The following MAEL variants were observed in gnomAD, a reference collection of about 807,000 sequenced individuals.
The protein encoded by MAEL is protein maelstrom homolog.
In MAEL, 46 loss-of-function variants were observed where a neutral mutation model predicts 62.0. The ratio of observed to expected loss-of-function variants is 0.74; its 90% CI spans 0.59 to 0.95. MAEL has a LOEUF of 0.95. MAEL is among the 40% of genes least tolerant of loss of function. The pLI, the probability that MAEL is intolerant of heterozygous loss-of-function variation, is 0.00. For missense variants in MAEL, 497 were observed against 526.8 expected (o/e 0.94, Z 0.55); for synonymous variants, 172 against 175.5 (o/e 0.98, Z 0.16).
intron 8 of MAEL, among the ~76,000 whole-genome samples, chr1:167,007,968 C>T (rs1055523322): frequency 6.6e-6 from 1 of 151,704 alleles, no homozygotes; most frequent in African/African-American, 2.4e-5. Context: ...AGTTCGTTTG[C>T]TTGTTTGTAT....
At chr1:166,995,859 C>G (rs1664404240) in intron 5 of MAEL, among the ~76,000 whole-genome samples, 1 of 152,042 alleles carries the variant, frequency 6.6e-6, no homozygotes, top group African/African-American at 2.4e-5. Context: ...TCTGTTAAAT[C>G]CTTCTTAAAA....
At chr1:166,980,030 TTTTA>T (rs760947754) in intron 1 of MAEL, among the ~76,000 whole-genome samples, 17 of 152,192 alleles carry the variant, frequency 1.1e-4, no homozygotes, top group Non-Finnish European at 2.1e-4. Context: ...TCTTTCTTTC[TTTTA>T]GAGACAGGGT....
In MAEL at chr1:167,005,124, G is replaced by GCAT; in HGVS notation, c.700_702dup (p.Ser234dup). On this transcript the variant is annotated inframe_insertion, in exon 7 of 12. Coordinates refer to ENST00000367872, the MANE Select transcript of MAEL (RefSeq NM_032858.3). ...CTGGTGTTTGAAGCATATGGCAAAG[G>GCAT]CATCAGGTAAGTAAAACTCTGGGTT... 1 of 1,613,652 alleles carries GCAT rather than the reference G, an allele frequency of 6.2e-7. No individual in the cohort carries two copies. Among genetic ancestry groups the GCAT allele is most frequent in the Non-Finnish European group, 8.5e-7 (1 of 1,179,748 alleles).
chr1:166,981,898 A>T (rs754569248), intron 1 of MAEL, among the ~76,000 whole-genome samples: 1 of 152,214 alleles, frequency 6.6e-6, no homozygotes, highest in East Asian at 1.9e-4. Flanking sequence ...AAGTAGAACA[A>T]GATCAGACCT....
At chr1:166,991,037 A>G (rs1224157944) in intron 2 of MAEL, among the ~76,000 whole-genome samples, 1 of 152,168 alleles carries the variant, frequency 6.6e-6, no homozygotes, top group Non-Finnish European at 1.5e-5. Context: ...TAAGTGAAAA[A>G]CAAGCAAAAT....
chr1:167,006,490 T>G (rs1664901397), intron 8 of MAEL, among the ~76,000 whole-genome samples: 1 of 151,584 alleles, frequency 6.6e-6, no homozygotes, highest in South Asian at 2.1e-4. Flanking sequence ...GTGTGTCATA[T>G]CTGGAGGTAT....
chr1:166,976,949 C>T (rs557788030), intron 1 of MAEL, among the ~76,000 whole-genome samples: 2 of 152,204 alleles, frequency 1.3e-5, no homozygotes, highest in South Asian at 2.1e-4. Flanking sequence ...AATGCAGGCC[C>T]GGGCCCCTGG....
chr1:167,006,239 C>A (rs1271889756), intron 8 of MAEL, among the ~76,000 whole-genome samples: 1 of 152,002 alleles, frequency 6.6e-6, no homozygotes. Flanking sequence ...TCTTTTACAG[C>A]CAAAAAAATT....
At chr1:167,016,835 A>G (rs1194055376) in intron 9 of MAEL, among the ~76,000 whole-genome samples, 1 of 152,220 alleles carries the variant, frequency 6.6e-6, no homozygotes, top group Non-Finnish European at 1.5e-5. Flanking sequence ...TTGCAACAAC[A>G]TAGATGGAAC....
At chr1:167,003,870 C>G (rs781521134) in intron 5 of MAEL, among the ~76,000 whole-genome samples, 1 of 151,996 alleles carries the variant, frequency 6.6e-6, no homozygotes, top group Non-Finnish European at 1.5e-5. Flanking sequence ...AGTAAAACAC[C>G]GCAGGCCTGG....
chr1:166,992,700 A>G lies in MAEL; in HGVS notation c.340A>G (p.Ile114Val), dbSNP rs1190281959. 6 of 1,589,550 alleles carry G rather than the reference A, an allele frequency of 3.8e-6. No homozygotes were observed. Among genetic ancestry groups the G allele is most frequent in the Non-Finnish European group, 5.1e-6 (6 of 1,172,844 alleles). ...TTTTTTTTTAGCTCTCCTTGGAGGC[A>G]TTTTTTATTTTTTGAACATTTTTAG... The part of the protein sequence containing the change: ...LKGDQALLGG[I>V]FYFLNIFSHG... The change falls in exon 4 of 12, where the codon ATT becomes GTT. Residue 114 changes from isoleucine (I) to valine (V), a missense_variant. Transcript: ENST00000367872.
intron 9 of MAEL, among the ~76,000 whole-genome samples, 162 bp downstream of exon 9, chr1:167,016,446 C>T (rs942144956): frequency 1.3e-5 from 2 of 152,008 alleles, no homozygotes; most frequent in African/African-American, 4.8e-5. Flanking sequence ...TATTATCTCA[C>T]CCTGGTTTAA....
At chr1:166,983,438 T>C (rs1244260370) in intron 1 of MAEL, among the ~76,000 whole-genome samples, 1 of 152,216 alleles carries the variant, frequency 6.6e-6, no homozygotes, top group Non-Finnish European at 1.5e-5. Flanking sequence ...AAATACCATC[T>C]TTATGTGGCT....
intron 8 of MAEL, among the ~76,000 whole-genome samples, chr1:167,014,005 C>T (rs1665278211): frequency 6.6e-6 from 1 of 152,130 alleles, no homozygotes; most frequent in East Asian, 1.9e-4. Context: ...GTTCACAAGT[C>T]CAGAGCCTCT....
chr1:167,017,183 TA>T (rs1173329050), intron 9 of MAEL, among the ~76,000 whole-genome samples: 14 of 152,298 alleles, frequency 9.2e-5, no homozygotes, highest in Non-Finnish European at 2.1e-4. Flanking sequence ...AATGGATGGA[TA>T]TACCACCTTC....
chr1:166,991,602 A>G, intron 3 of MAEL, 125 bp downstream of exon 3: 1 of 619,500 alleles, frequency 1.6e-6, no homozygotes, highest in Non-Finnish European at 2.9e-6. Context: ...CAAGTGTTAA[A>G]TATTGTGGTA....
intron 4 of MAEL, 113 bp from the exon 5 acceptor site, chr1:166,993,915 C>A: frequency 1.4e-6 from 1 of 696,598 alleles, no homozygotes; most frequent in Non-Finnish European, 2.3e-6. Flanking sequence ...TTTGTATTTT[C>A]ATGTAATAAA....
intron 5 of MAEL, among the ~76,000 whole-genome samples, chr1:166,997,581 G>A (rs1473442877): frequency 6.6e-6 from 1 of 152,106 alleles, no homozygotes; most frequent in Non-Finnish European, 1.5e-5. Context: ...CCAGGCTGGA[G>A]CATGATGGCT....
intron 8 of MAEL, among the ~76,000 whole-genome samples, chr1:167,007,682 A>T (rs1448458209): frequency 6.6e-6 from 1 of 151,688 alleles, no homozygotes; most frequent in Middle Eastern, 3.2e-3. Context: ...ATGAGTTCAC[A>T]CTTAACCTGT....
Sources: allele counts gnomAD v4.1 joint callset (sites outside exome capture counted in the v4.1 genomes callset), GRCh38; gene constraint gnomAD v4.1.1; transcripts MANE v1.5; gene names NCBI Gene and HGNC (gene_info 2026-07-23, HGNC 2026-07-21).